Variants in BICC1 observed in about 807,000 individuals in gnomAD.
The protein encoded by BICC1 is BicC family RNA binding protein 1.
In BICC1, 43 loss-of-function variants were observed where a neutral mutation model predicts 111.0. The ratio of observed to expected loss-of-function variants is 0.39; its 90% CI spans 0.30 to 0.50. The LOEUF is 0.50. Among genes scored for constraint, BICC1 ranks in the 20% least tolerant of loss-of-function variants. BICC1 has a pLI of 0.88. For synonymous variants in BICC1, 467 were observed against 434.4 expected, an observed-to-expected ratio of 1.07 and a Z score of -0.93; for missense variants, 1,091 against 1,203.2, an observed-to-expected ratio of 0.91 and a Z score of 1.38.
intron 3 of BICC1, among the ~76,000 whole-genome samples, chr10:58,768,299 G>A (rs1159916016): frequency 6.6e-6 from 1 of 152,154 alleles, no homozygotes; most frequent in African/African-American, 2.4e-5. Flanking sequence ...GGAGTGGGAT[G>A]ATATACTCAA....
At chr10:58,644,072 C>T (rs573368234) in intron 2 of BICC1, among the ~76,000 whole-genome samples, 15 of 152,198 alleles carry the variant, frequency 9.9e-5, no homozygotes, top group African/African-American at 3.4e-4. Context: ...ATATACCTGT[C>T]AGTCCTCCAT....
intron 1 of BICC1, among the ~76,000 whole-genome samples, chr10:58,554,016 T>C (rs1475881277): frequency 2.0e-5 from 3 of 152,166 alleles, no homozygotes; most frequent in African/African-American, 7.2e-5. Flanking sequence ...TTGGATTCTG[T>C]AGAAGAAGAA....
chr10:58,726,151 T>A (rs923246217), intron 3 of BICC1, among the ~76,000 whole-genome samples: 4 of 152,210 alleles, frequency 2.6e-5, no homozygotes, highest in Non-Finnish European at 4.4e-5. Flanking sequence ...TAAAATTGTT[T>A]GCAAGCTTGA....
chr10:58,684,189 G>A (rs569547751), intron 2 of BICC1, among the ~76,000 whole-genome samples: 16 of 152,198 alleles, frequency 1.1e-4, no homozygotes, highest in East Asian at 5.8e-4. Flanking sequence ...ATTGGTTTGC[G>A]TATGTTGAAC....
intron 3 of BICC1, among the ~76,000 whole-genome samples, chr10:58,784,468 G>T (rs1026246065): frequency 3.9e-5 from 6 of 152,148 alleles, no homozygotes; most frequent in Admixed American, 1.3e-4. Flanking sequence ...TTTAAATGAA[G>T]TTATTGCATA....
intron 2 of BICC1, among the ~76,000 whole-genome samples, chr10:58,679,658 AAGAG>A (rs1265341345): frequency 2.6e-5 from 4 of 152,212 alleles, no homozygotes; most frequent in African/African-American, 9.6e-5. Flanking sequence ...ACAATGGAAA[AAGAG>A]AGACTCCTCT....
At chr10:58,716,140 G>C (rs1241580790) in intron 3 of BICC1, 1 of 1,503,532 alleles carries the variant, frequency 6.7e-7, no homozygotes, top group Non-Finnish European at 9.0e-7. Context: ...GTCCTTGTAA[G>C]AATCAGAGTA....
At chr10:58,816,758 T>TGTG (rs1487158964) in intron 18 of BICC1, among the ~76,000 whole-genome samples, 4 of 147,796 alleles carry the variant, frequency 2.7e-5, no homozygotes, top group Admixed American at 6.7e-5. Flanking sequence ...TGTGTGTGTG[T>TGTG]GTGTGTGTGT....
chr10:58,639,241 A>C (rs1208546736), intron 2 of BICC1, among the ~76,000 whole-genome samples: 1 of 152,172 alleles, frequency 6.6e-6, no homozygotes, highest in African/African-American at 2.4e-5. Flanking sequence ...GTTCCCAATA[A>C]ATCAAAATAG....
intron 2 of BICC1, among the ~76,000 whole-genome samples, chr10:58,671,074 G>A (rs1016228568): frequency 3.3e-5 from 5 of 151,856 alleles, no homozygotes; most frequent in African/African-American, 1.2e-4. Flanking sequence ...CATGACCCTC[G>A]TCCTTCCCAT....
At chr10:58,638,331 A>G (rs528516775) in intron 2 of BICC1, among the ~76,000 whole-genome samples, 2 of 152,178 alleles carry the variant, frequency 1.3e-5, no homozygotes, top group East Asian at 3.8e-4. Context: ...AAAAAAGGCC[A>G]TTTGAAAAAA....
At chr10:58,686,701 A>G (rs952556714) in intron 2 of BICC1, among the ~76,000 whole-genome samples, 4 of 152,074 alleles carry the variant, frequency 2.6e-5, no homozygotes, top group African/African-American at 7.2e-5. Flanking sequence ...TTCTTGTGCC[A>G]TGGTTTTCAG....
chr10:58,752,723 TG>T (rs1842024448), intron 3 of BICC1, among the ~76,000 whole-genome samples: 8 of 152,312 alleles, frequency 5.3e-5, no homozygotes, highest in Admixed American at 5.2e-4. Flanking sequence ...ACCATAGTGG[TG>T]GGCAATGTTT....
In BICC1 at chr10:58,830,034, C is replaced by T. The variant is rs1156807422; in HGVS notation, c.*1143C>T. On this transcript the variant is annotated 3_prime_UTR_variant, in exon 21 of 21. Transcript: ENST00000373886. ...ACGTTAGCTATGTTCCGTATGGCCA[C>T]AGGACTTTCCTGAAACCGTATCTGT... 2 of 151,898 alleles carry T rather than the reference C, an allele frequency of 1.3e-5. No individual in the cohort carries two copies. Among genetic ancestry groups the T allele is most frequent in the Non-Finnish European group, 2.9e-5 (2 of 68,006 alleles). The allele number at this position is 151,898 out of a possible 1,614,324, so 9.4% of individuals were successfully genotyped here.
chr10:58,533,242 T>G (rs77629644), intron 1 of BICC1, among the ~76,000 whole-genome samples: 4,247 of 151,942 alleles, frequency 0.028, 189 homozygotes, highest in African/African-American at 0.097. Flanking sequence ...GGGGAATCAT[T>G]AGGCATCCAC....
chr10:58,796,393 G>A lies in BICC1; in HGVS notation c.1233G>A (p.Arg411=), dbSNP rs1428332897. The change falls in exon 10 of 21, where the codon AGG becomes AGA. Residue 411 remains arginine (R), a synonymous_variant. Transcript: ENST00000373886. ...ERNALNMYEA[R]KCLLGLESSG... is the part of the protein sequence containing the mutation. ...ATGCCTTAAATATGTATGAAGCAAG[G>A]AAATGTCTCCTCGGACTTGAAAGCA... is the stretch of plus-strand genomic sequence containing the variant. 9 of 1,613,948 alleles carry A rather than the reference G, an allele frequency of 5.6e-6. No homozygotes were observed. Among genetic ancestry groups the A allele is most frequent in the Non-Finnish European group, 7.6e-6 (9 of 1,180,006 alleles).
At position 58,689,863 on chromosome 10, in the gene BICC1, G is replaced by T. The variant is rs557697966; in HGVS notation, c.238-12211G>T. Among the ~76,000 whole-genome samples the T allele has an allele frequency of 2.0e-5, 3 of 152,280 alleles. No homozygotes were observed. In the South Asian group the frequency reaches 6.2e-4, roughly 32 times the overall value. On this transcript the variant is annotated intron_variant, in intron 2 of 20. Transcript: ENST00000373886. The stretch of plus-strand genomic sequence containing the variant: ...GAAATTGGTCAGATGGGTAAGGTTT[G>T]GGTGGCTGAAGCATATGACACTTTT...
chr10:58,611,994 T>G (rs1008299664), intron 1 of BICC1, among the ~76,000 whole-genome samples: 1 of 152,214 alleles, frequency 6.6e-6, no homozygotes, highest in African/African-American at 2.4e-5. Flanking sequence ...TTATTTAATT[T>G]TTTACAGGCA....
chr10:58,596,244 A>G (rs764742290), intron 1 of BICC1, among the ~76,000 whole-genome samples: 3 of 152,198 alleles, frequency 2.0e-5, no homozygotes, highest in Non-Finnish European at 4.4e-5. Context: ...CCTGGGATGC[A>G]AGGCTGGTTC....
Sources: gnomAD v4.1 joint callset for allele counts (sites outside exome capture counted in the v4.1 genomes callset) on GRCh38, gnomAD v4.1.1 for gene constraint, MANE v1.5 for transcripts, NCBI Gene and HGNC (gene_info 2026-07-23, HGNC 2026-07-21) for gene names.